The following MYO6 variants were observed in gnomAD, a reference collection of about 807,000 sequenced individuals.
The protein encoded by MYO6 is unconventional myosin-VI.
A neutral mutation model predicts 178.7 loss-of-function variants in MYO6; 74 were observed. The ratio of observed to expected loss-of-function variants is 0.41; its 90% confidence interval spans 0.34 to 0.50. The LOEUF is 0.50. MYO6 is among the 20% of genes least tolerant of loss of function. The pLI, the probability that MYO6 is intolerant of heterozygous loss-of-function variation, is 0.09. For synonymous variants in MYO6, 477 were observed against 504.6 expected, an observed-to-expected ratio of 0.95 and a Z score of 0.73; for missense variants, 1,330 against 1,547.4, an observed-to-expected ratio of 0.86 and a Z score of 2.36.
At chr6:75,776,773 A>G (rs1483005489) in intron 1 of MYO6, among the ~76,000 whole-genome samples, 3 of 152,004 alleles carry the variant, frequency 2.0e-5, no homozygotes, top group African/African-American at 7.3e-5. Flanking sequence ...TTGGCCTCCC[A>G]AAGTGCTGAA....
intron 3 of MYO6, among the ~76,000 whole-genome samples, chr6:75,823,921 C>T (rs1323220843): frequency 1.3e-5 from 2 of 152,128 alleles, no homozygotes; most frequent in East Asian, 3.9e-4. Context: ...TTATTAGGTG[C>T]AAGAGATTGA....
intron 1 of MYO6, among the ~76,000 whole-genome samples, chr6:75,779,966 A>G (rs912656164): frequency 6.6e-6 from 1 of 152,028 alleles, no homozygotes; most frequent in Non-Finnish European, 1.5e-5. Context: ...TTACTGCTGT[A>G]TGTACTGTCT....
At chr6:75,901,138 C>G (rs561797627) in intron 30 of MYO6, among the ~76,000 whole-genome samples, 1 of 152,116 alleles carries the variant, frequency 6.6e-6, no homozygotes, top group East Asian at 1.9e-4. Flanking sequence ...TTACTGTAGC[C>G]TTGTAGTATA....
chr6:75,858,079 T>G lies in MYO6; in HGVS notation c.1382-823T>G, dbSNP rs116796477. On this transcript the variant is annotated intron_variant, in intron 13 of 34. Transcript: ENST00000369977. ...TAGAGAATTATTATTATTATTAATTTTTTTTCCTTTTCTACAACAGTTTTA... is the reference window on the plus strand; with the variant it reads ...TAGAGAATTATTATTATTATTAATTGTTTTTCCTTTTCTACAACAGTTTTA... Among the ~76,000 whole-genome samples, 502 of 140,282 alleles carry G rather than the reference T, an allele frequency of 3.6e-3. 2 individuals carry two copies. The highest frequency in any genetic ancestry group is 0.011 in the African/African-American group (461 of 40,808). 92.0% of individuals were successfully genotyped at this position (140,282 alleles called of 152,430 possible). A position where few individuals can be genotyped will look rare whatever the true frequency, so the allele number is the denominator to read the frequency against.
At chr6:75,874,514 C>A (rs1419836605) in intron 20 of MYO6, among the ~76,000 whole-genome samples, 1 of 152,224 alleles carries the variant, frequency 6.6e-6, no homozygotes. Flanking sequence ...CTTCTCTTGT[C>A]TGCTATCAAG....
rs1775573515 is a variant in MYO6, at chr6:75,854,547, GA to G, written c.1079-586del. Among the ~76,000 whole-genome samples, 7 of 151,850 alleles carry G rather than the reference GA, an allele frequency of 4.6e-5. No individual in the cohort carries two copies. In the South Asian group the frequency reaches 1.5e-3, roughly 32 times the overall value. ...TGTATATGCAGTTATTCCAAAACTG[GA>G]AAAAATCTAAAATCTGAAACACTTT... On this transcript the variant is annotated intron_variant, in intron 11 of 34. Coordinates refer to ENST00000369977, the MANE Select transcript of MYO6 (RefSeq NM_004999.4).
At chr6:75,785,397 A>G (rs1260819883) in intron 1 of MYO6, among the ~76,000 whole-genome samples, 10 of 151,418 alleles carry the variant, frequency 6.6e-5, no homozygotes, top group African/African-American at 2.4e-4. Flanking sequence ...TCAAATTTAT[A>G]CATCTTTTCC....
intron 30 of MYO6, among the ~76,000 whole-genome samples, chr6:75,900,345 C>T (rs1352559322): frequency 1.3e-5 from 2 of 152,158 alleles, no homozygotes; most frequent in Non-Finnish European, 2.9e-5. Flanking sequence ...AGTTTACAGT[C>T]CCACCAACAG....
chr6:75,757,192 ATT>A (rs1229353173), intron 1 of MYO6, among the ~76,000 whole-genome samples: 6 of 147,770 alleles, frequency 4.1e-5, no homozygotes, highest in African/African-American at 1.5e-4. Context: ...ACACACATAT[ATT>A]GTGTATATAT....
Position 75,817,612 on chromosome 6 carries a change from T to C in MYO6, c.65T>C (p.Val22Ala). The C allele has an allele frequency of 1.9e-6, 3 of 1,614,196 alleles. No individual in the cohort carries two copies. Among genetic ancestry groups the C allele is most frequent in the Non-Finnish European group, 2.5e-6 (3 of 1,180,032 alleles). ...PTDGFQMGNIVDIGPDSLTIE... is the reference protein window; with the variant it reads ...PTDGFQMGNIADIGPDSLTIE... Reference sequence around the variant, plus strand: ...GATGGATTTCAGATGGGCAATATTGTGGATATTGGCCCCGACAGCTTAACA... The same window carrying C: ...GATGGATTTCAGATGGGCAATATTGCGGATATTGGCCCCGACAGCTTAACA... The change falls in exon 2 of 35, where the codon GTG (valine) becomes GCG (alanine). Residue 22 changes from valine (V) to alanine (A), a missense_variant. Coordinates refer to ENST00000369977, the MANE Select transcript of MYO6 (RefSeq NM_004999.4).
intron 23 of MYO6, among the ~76,000 whole-genome samples, chr6:75,885,752 C>T (rs1279613077): frequency 6.6e-6 from 1 of 152,082 alleles, no homozygotes; most frequent in Non-Finnish European, 1.5e-5. Flanking sequence ...GGCCGAGAAT[C>T]TCTTGAACCT....
intron 30 of MYO6, among the ~76,000 whole-genome samples, chr6:75,903,571 A>G (rs563850697): frequency 1.3e-5 from 2 of 151,234 alleles, no homozygotes; most frequent in Admixed American, 1.3e-4. Flanking sequence ...TTTGTTTTCC[A>G]TTTGCTTCAT....
At chr6:75,867,126 T>A (rs1350355667) in intron 18 of MYO6, 21 bp downstream of exon 18, 3 of 1,548,884 alleles carry the variant, frequency 1.9e-6, no homozygotes, top group Non-Finnish European at 2.6e-6. Flanking sequence ...TATTTAATTT[T>A]TTTTTTACTA....
chr6:75,902,620 T>G (rs1779898733), intron 30 of MYO6, among the ~76,000 whole-genome samples: 1 of 152,152 alleles, frequency 6.6e-6, no homozygotes, highest in Non-Finnish European at 1.5e-5. Context: ...CTCTCTTTTT[T>G]TCTTTATTAG....
At chr6:75,765,998 A>T (rs372145862) in intron 1 of MYO6, among the ~76,000 whole-genome samples, 11 of 152,292 alleles carry the variant, frequency 7.2e-5, no homozygotes, top group African/African-American at 2.6e-4. Context: ...ACTGAACTTC[A>T]GCCTGGGCAA....
chr6:75,864,550 A>C (rs895673914), intron 16 of MYO6, among the ~76,000 whole-genome samples: 2 of 152,188 alleles, frequency 1.3e-5, no homozygotes, highest in African/African-American at 4.8e-5. Flanking sequence ...CTTTGTTATG[A>C]CCAGCCTATG....
chr6:75,853,726 A>G (rs1209172503), intron 11 of MYO6, among the ~76,000 whole-genome samples: 11 of 152,200 alleles, frequency 7.2e-5, no homozygotes, highest in African/African-American at 2.7e-4. Context: ...ATTTTCACAC[A>G]TTCTTTGTAG....
intron 1 of MYO6, among the ~76,000 whole-genome samples, chr6:75,779,795 T>G (rs1766774825): frequency 6.6e-6 from 1 of 152,238 alleles, no homozygotes; most frequent in African/African-American, 2.4e-5. Flanking sequence ...ATTCGTTTAG[T>G]TTACAGTGCT....
chr6:75,913,933 C>G (rs1192064261), intron 33 of MYO6, 130 bp from the exon 34 acceptor site: 69 of 708,690 alleles, frequency 9.7e-5, no homozygotes, highest in Non-Finnish European at 6.7e-5. Context: ...TAAATATTTT[C>G]ATTTTGTTTT....
Sources: gnomAD v4.1 joint callset for allele counts (sites outside exome capture counted in the v4.1 genomes callset) on GRCh38, gnomAD v4.1.1 for gene constraint, MANE v1.5 for transcripts, NCBI Gene and HGNC (gene_info 2026-07-23, HGNC 2026-07-21) for gene names.